Variants in GRIK1 observed in about 807,000 individuals in gnomAD.
The protein encoded by GRIK1 is glutamate receptor ionotropic, kainate 1.
Under a neutral mutation model 105.7 loss-of-function variants are expected in GRIK1, and 69 were observed. The observed-to-expected ratio is 0.65, with a 90% CI of 0.54 to 0.80. The LOEUF is 0.80. Ranked by LOEUF, GRIK1 falls within the 30% of genes least tolerant of loss-of-function variation. The pLI is 0.00. For missense variants in GRIK1, 1,109 were observed against 1,167.3 expected, an observed-to-expected ratio of 0.95 and a Z score of 0.73; for synonymous variants, 438 against 431.3, an observed-to-expected ratio of 1.02 and a Z score of -0.19.
At chr21:29,803,512 G>T (rs2066770827) in intron 1 of GRIK1, among the ~76,000 whole-genome samples, 1 of 152,052 alleles carries the variant, frequency 6.6e-6, no homozygotes, top group South Asian at 2.1e-4. Context: ...GAATTTTCTG[G>T]GCTGGGGCTC....
intron 1 of GRIK1, among the ~76,000 whole-genome samples, chr21:29,741,097 C>T (rs765234539): frequency 2.6e-5 from 4 of 152,172 alleles, no homozygotes; most frequent in Non-Finnish European, 5.9e-5. Flanking sequence ...GCCCCTTTGC[C>T]AGGGCCTTCT....
In GRIK1 at chr21:29,779,494, GGTGT is replaced by G. The variant is rs3054349; in HGVS notation, c.119-85435_119-85432del. Among the ~76,000 whole-genome samples, 525 of 147,758 alleles carry G rather than the reference GGTGT, an allele frequency of 3.6e-3. 1 individual carries two copies. Among genetic ancestry groups the G allele is most frequent in the South Asian group, 7.8e-3 (36 of 4,638 alleles). On this transcript the variant is annotated intron_variant, in intron 1 of 17. Coordinates refer to ENST00000327783, the MANE Select transcript of GRIK1 (RefSeq NM_001330994.2). ...CAATAGCTTTGTTTTGCCCTTTTATGGTGTGTGTGTGTGTGTGTGTGTGTGATCC... is the reference window on the plus strand; with the variant it reads ...CAATAGCTTTGTTTTGCCCTTTTATGGTGTGTGTGTGTGTGTGTGTGATCC...
chr21:29,709,005 A>G (rs1472485148), intron 1 of GRIK1, among the ~76,000 whole-genome samples: 2 of 152,146 alleles, frequency 1.3e-5, no homozygotes, highest in East Asian at 1.9e-4. Flanking sequence ...ATTAGAAGAA[A>G]AGCTAGTACA....
chr21:29,872,447 C>A (rs938564522), intron 1 of GRIK1, among the ~76,000 whole-genome samples: 5 of 152,226 alleles, frequency 3.3e-5, no homozygotes, highest in African/African-American at 1.2e-4. Context: ...CCCGCCTCTG[C>A]CTCCTGCTCT....
Position 29,841,300 on chromosome 21 carries a change from A to G in GRIK1, c.118+98083T>C, listed in dbSNP as rs147878392. 7.9e-5 allele frequency among the ~76,000 whole-genome samples: 12 copies of G among 152,282 alleles called. No homozygotes were observed. In the East Asian group the frequency reaches 2.3e-3, roughly 29 times the overall value. On this transcript the variant is annotated intron_variant, in intron 1 of 17. Transcript: ENST00000327783. ...ATGCTTCTAAATTTGTAAAGTCTGCATCAAAATTGTCTAAGCTTGTCTATG... is the reference window on the plus strand; with the variant it reads ...ATGCTTCTAAATTTGTAAAGTCTGCGTCAAAATTGTCTAAGCTTGTCTATG...
At chr21:29,684,298 C>G (rs913341318) in intron 3 of GRIK1, among the ~76,000 whole-genome samples, 2 of 146,824 alleles carry the variant, frequency 1.4e-5, no homozygotes, top group African/African-American at 5.0e-5. Context: ...ATCTATCTAT[C>G]ATCTATCTAC....
At chr21:29,630,563 C>CA (rs1237616801) in intron 7 of GRIK1, 3 of 471,516 alleles carry the variant, frequency 6.4e-6, no homozygotes, top group African/African-American at 6.0e-5. Context: ...ATAATGTCTG[C>CA]AAAAAGTGAA....
intron 7 of GRIK1, among the ~76,000 whole-genome samples, chr21:29,617,440 C>T (rs1242362634): frequency 6.6e-6 from 1 of 152,102 alleles, no homozygotes; most frequent in South Asian, 2.1e-4. Flanking sequence ...TTTTGGAAAC[C>T]GTGTGTAGTG....
chr21:29,917,239 A>G (rs910579716), intron 1 of GRIK1, among the ~76,000 whole-genome samples: 8 of 152,022 alleles, frequency 5.3e-5, no homozygotes, highest in Non-Finnish European at 1.0e-4. Flanking sequence ...CAAAACAGAC[A>G]AACGTTAAAA....
At chr21:29,633,082 A>G (rs1428611776) in intron 7 of GRIK1, among the ~76,000 whole-genome samples, 2 of 152,212 alleles carry the variant, frequency 1.3e-5, no homozygotes, top group South Asian at 2.1e-4. Context: ...AAGGGGCTGG[A>G]GGGAATTAGC....
At chr21:29,640,416 A>G (rs1348922651) in intron 7 of GRIK1, among the ~76,000 whole-genome samples, 1 of 152,152 alleles carries the variant, frequency 6.6e-6, no homozygotes, top group Non-Finnish European at 1.5e-5. Flanking sequence ...AAGGTAGCAT[A>G]TGACATCCTG....
At chr21:29,776,167 C>A (rs992969486) in intron 1 of GRIK1, among the ~76,000 whole-genome samples, 13 of 152,194 alleles carry the variant, frequency 8.5e-5, no homozygotes, top group African/African-American at 3.1e-4. Flanking sequence ...TTACCTCCCA[C>A]GAGGTCCCTC....
intron 1 of GRIK1, among the ~76,000 whole-genome samples, chr21:29,934,174 A>G (rs1480551252): frequency 6.6e-6 from 1 of 152,174 alleles, no homozygotes; most frequent in African/African-American, 2.4e-5. Flanking sequence ...TTCCTCTCCA[A>G]CTTGATTGCA....
At chr21:29,867,931 AGAGAAAGAG>A (rs2068875641) in intron 1 of GRIK1, among the ~76,000 whole-genome samples, 3 of 138,018 alleles carry the variant, frequency 2.2e-5, no homozygotes, top group African/African-American at 8.8e-5. Flanking sequence ...AGAGAAAGAG[AGAGAAAGAG>A]AGAGAGAAAG....
intron 1 of GRIK1, among the ~76,000 whole-genome samples, chr21:29,874,119 A>G (rs894598119): frequency 6.6e-5 from 10 of 152,278 alleles, no homozygotes; most frequent in Non-Finnish European, 1.5e-4. Flanking sequence ...CTCGCCTGCC[A>G]CTCACTGAGG....
At chr21:29,828,387 T>C (rs2067534216) in intron 1 of GRIK1, among the ~76,000 whole-genome samples, 1 of 152,164 alleles carries the variant, frequency 6.6e-6, no homozygotes, top group Non-Finnish European at 1.5e-5. Flanking sequence ...TGTTGCTAAA[T>C]GAAATTTAAT....
intron 1 of GRIK1, among the ~76,000 whole-genome samples, chr21:29,777,665 T>C (rs962236307): frequency 6.6e-6 from 1 of 152,226 alleles, no homozygotes; most frequent in Non-Finnish European, 1.5e-5. Context: ...AAGAAGTTTG[T>C]ACCTCATTCT....
intron 4 of GRIK1, among the ~76,000 whole-genome samples, chr21:29,660,165 C>T (rs1411623902): frequency 2.0e-5 from 3 of 152,278 alleles, no homozygotes; most frequent in African/African-American, 7.2e-5. Flanking sequence ...CACTCATGAC[C>T]TTGTTCACAG....
intron 7 of GRIK1, among the ~76,000 whole-genome samples, chr21:29,602,582 C>G (rs916021158): frequency 6.6e-6 from 1 of 151,910 alleles, no homozygotes; most frequent in Admixed American, 6.6e-5. Flanking sequence ...GGGAAAGAGT[C>G]AGCAAAAGAT....
Sources: allele counts gnomAD v4.1 joint callset (sites outside exome capture counted in the v4.1 genomes callset), GRCh38; gene constraint gnomAD v4.1.1; transcripts MANE v1.5; gene names NCBI Gene and HGNC (gene_info 2026-07-23, HGNC 2026-07-21).